SUN1: variants seen among roughly 807,000 people sequenced by gnomAD.
The protein encoded by SUN1 is Sad1 and UNC84 domain containing 1.
Under a neutral mutation model 103.2 loss-of-function variants are expected in SUN1, and 61 were observed. The observed-to-expected ratio is 0.59, with a 90% CI of 0.48 to 0.73. The LOEUF is 0.73. SUN1 is among the 30% of genes least tolerant of loss of function. The pLI is 0.00. For synonymous variants in SUN1, 490 were observed against 425.7 expected (o/e 1.15, Z -1.86); for missense variants, 1,052 against 1,034.6 (o/e 1.02, Z -0.23).
At chr7:849,810 C>T (rs1033193883) in intron 5 of SUN1, 23 of 1,214,912 alleles carry the variant, frequency 1.9e-5, no homozygotes, top group Middle Eastern at 2.2e-4. Flanking sequence ...TTGACTGTCT[C>T]GTGTGTAATT....
At chr7:848,106 C>T (rs568074994) in intron 5 of SUN1, among the ~76,000 whole-genome samples, 7 of 151,494 alleles carry the variant, frequency 4.6e-5, no homozygotes, top group African/African-American at 1.5e-4. Flanking sequence ...CTCCGCAGTA[C>T]CCTCTCCGGG....
intron 5 of SUN1, chr7:848,622 A>G (rs553291982): frequency 7.6e-7 from 1 of 1,316,654 alleles, no homozygotes; most frequent in South Asian, 1.3e-5. Flanking sequence ...AAAGGTATTT[A>G]AATATTTTTT....
chr7:830,624 C>G (rs1056109783), upstream of SUN1, among the ~76,000 whole-genome samples: 1 of 152,206 alleles, frequency 6.6e-6, no homozygotes, highest in African/African-American at 2.4e-5. Context: ...AGTGTGACCT[C>G]TTTTCCCTAC....
At chr7:849,591 G>A (rs1584794799) in intron 5 of SUN1, 3 of 1,451,092 alleles carry the variant, frequency 2.1e-6, no homozygotes, top group Non-Finnish European at 1.9e-6. Context: ...CAGTGTAAAT[G>A]GGGAAGCGCT....
In SUN1 at chr7:841,987, G is replaced by C; in HGVS notation, c.308G>C (p.Ser103Thr). 1.2e-6 allele frequency: 2 copies of C among 1,614,146 alleles called. No individual in the cohort carries two copies. Among genetic ancestry groups the C allele is most frequent in the East Asian group, 2.2e-5 (1 of 44,882 alleles). ...QRRSTNKSAF[S>T]INHVSRQVTS... ...AGAAGCACAAACAAATCAGCTTTTA[G>C]TATCAACCACGTGTCAAGGCAGGTC... is the stretch of plus-strand genomic sequence containing the variant. The change falls in exon 3 of 19, where the codon AGT becomes ACT. Residue 103 changes from serine to threonine, a missense_variant. Physicochemically the swap from Ser to Thr is moderately conservative, Grantham distance 58. Transcript: ENST00000401592.
chr7:820,251 C>T (rs1360644519), intron 1 of SUN1, among the ~76,000 whole-genome samples: 1 of 152,194 alleles, frequency 6.6e-6, no homozygotes, highest in Non-Finnish European at 1.5e-5. Flanking sequence ...TTAATTCTTT[C>T]AACAATGCTT....
upstream of SUN1, among the ~76,000 whole-genome samples, chr7:828,031 G>A (rs1794246610): frequency 6.6e-6 from 1 of 151,882 alleles, no homozygotes; most frequent in African/African-American, 2.4e-5. Context: ...AGCCTCCCGA[G>A]TAGCTGGGAT....
Position 854,915 on chromosome 7 carries a change from C to G in SUN1, c.1264-5C>G, listed in dbSNP as rs1290623476. ...ATCATTTGTTCACTCCTTCTCTTTC[C>G]TAAGACTGACTTTATGGCCTTTCAC... On this transcript the variant is annotated splice_region_variant and splice_polypyrimidine_tract_variant and intron_variant, in intron 10 of 18. Transcript: ENST00000401592. 5 of 1,610,012 alleles carry G rather than the reference C, an allele frequency of 3.1e-6. No homozygotes were observed. The highest frequency in any genetic ancestry group is 2.7e-5 in the African/African-American group (2 of 74,710).
intron 5 of SUN1, chr7:850,142 T>C: frequency 1.0e-6 from 1 of 1,004,296 alleles, no homozygotes; most frequent in South Asian, 1.5e-5. Flanking sequence ...CTGTAAAAAC[T>C]GACAGGAATA....
At chr7:844,092 G>T (rs1006607986) in intron 5 of SUN1, among the ~76,000 whole-genome samples, 1 of 152,216 alleles carries the variant, frequency 6.6e-6, no homozygotes, top group Non-Finnish European at 1.5e-5. Context: ...CCTCAGAGGC[G>T]ACTGGGCAAG....
At chr7:833,386 C>A (rs151245423) in intron 1 of SUN1, among the ~76,000 whole-genome samples, 81 of 151,344 alleles carry the variant, frequency 5.4e-4, no homozygotes, top group African/African-American at 1.9e-3. Context: ...TCTCGGCTCA[C>A]TGCAACATCC....
intron 1 of SUN1, among the ~76,000 whole-genome samples, chr7:823,171 GTT>G (rs1308517707): frequency 6.6e-6 from 1 of 152,246 alleles, no homozygotes; most frequent in Non-Finnish European, 1.5e-5. Flanking sequence ...GCGTTCACTT[GTT>G]CTCCAGGCAA....
chr7:849,204 C>A (rs890598197), intron 5 of SUN1, among the ~76,000 whole-genome samples: 28 of 152,274 alleles, frequency 1.8e-4, no homozygotes, highest in Admixed American at 1.5e-3. Context: ...GATCGCCCGC[C>A]TCAGCCTCCC....
intron 1 of SUN1, among the ~76,000 whole-genome samples, chr7:823,208 GCA>G (rs1445239464): frequency 7.9e-5 from 12 of 152,222 alleles, no homozygotes; most frequent in Non-Finnish European, 1.6e-4. Flanking sequence ...GGTGAATGAG[GCA>G]CAGTTCCTGC....
chr7:854,306 G>A (rs1309643630), intron 10 of SUN1, among the ~76,000 whole-genome samples: 1 of 152,256 alleles, frequency 6.6e-6, no homozygotes, highest in Non-Finnish European at 1.5e-5. Context: ...GGTGCGCGCA[G>A]CGTCAAACGC....
rs755364227 is a variant in SUN1 at position 873,321 on chromosome 7, C to A, written c.2348C>A (p.Pro783His). Residue 783 changes from proline (P) to histidine (H), a missense_variant, in exon 19 of 19, where the codon CCT (proline) becomes CAT (histidine). Around this residue, in one of 2 missense-constraint regions of SUN1, gnomAD observed 206 missense variants for 260.1 expected, o/e 0.79. Coordinates refer to ENST00000401592, the MANE Select transcript of SUN1 (RefSeq NM_001130965.3). ...CLYRFRVHGE[P>H]VK ...TATCGGTTCAGAGTTCATGGCGAACCTGTCAAGTGAAGACACTACTCATTA... is the reference window on the plus strand; with the variant it reads ...TATCGGTTCAGAGTTCATGGCGAACATGTCAAGTGAAGACACTACTCATTA... The A allele has an allele frequency of 5.6e-6, 9 of 1,613,870 alleles. No individual in the cohort carries two copies. Among genetic ancestry groups the A allele is most frequent in the African/African-American group, 1.3e-5 (1 of 74,926 alleles).
At chr7:834,355 C>T (rs1372830170) in intron 1 of SUN1, among the ~76,000 whole-genome samples, 1 of 152,160 alleles carries the variant, frequency 6.6e-6, no homozygotes, top group Non-Finnish European at 1.5e-5. Flanking sequence ...GGCCGGAGTG[C>T]CTCGGGGAGG....
At chr7:848,484 C>T in intron 5 of SUN1, 1 of 1,363,988 alleles carries the variant, frequency 7.3e-7, no homozygotes, top group Non-Finnish European at 9.8e-7. Flanking sequence ...TCTTTTTCAT[C>T]ATTTTTAGTT....
chr7:832,564 T>C lies in SUN1; in HGVS notation c.40T>C (p.Cys14Arg), dbSNP rs1266348019. The C allele has an allele frequency of 1.2e-6, 2 of 1,613,256 alleles. No individual in the cohort carries two copies. The highest frequency in any genetic ancestry group is 2.2e-5 in the South Asian group (2 of 90,856). The change falls in exon 1 of 19, where the codon TGT (cysteine) becomes CGT (arginine). Residue 14 changes from cysteine (C) to arginine (R), a missense_variant. By Grantham distance (180) the Cys-to-Arg change is radical (BLOSUM62 -3). This residue lies in a region of SUN1 where 846 missense variants were observed against 774.5 expected (regional missense o/e 1.09). Transcript: ENST00000401592. ...GCTTCACATGTACAGTCCTCCCCAG[T>C]GTGTGCCGGAGAACACGGGCTACAC... ...SRLHMYSPPQ[C>R]VPENTGYTYA...
Sources: allele counts gnomAD v4.1 joint callset (sites outside exome capture counted in the v4.1 genomes callset), GRCh38; gene constraint gnomAD v4.1.1; regional missense constraint gnomAD v4.1.1; transcripts MANE v1.5; gene names NCBI Gene and HGNC (gene_info 2026-07-23, HGNC 2026-07-21).